CRADD: variants seen among roughly 807,000 people sequenced by gnomAD.
The protein encoded by CRADD is death domain-containing protein CRADD.
A neutral mutation model predicts 15.5 loss-of-function variants in CRADD; 9 were observed. The ratio of observed to expected loss-of-function variants is 0.58; its 90% confidence interval spans 0.35 to 1.01. The LOEUF (loss-of-function observed/expected upper bound fraction) is 1.01, where lower values mean the gene tolerates loss of function less well. Among genes scored for constraint, CRADD ranks in the 50% least tolerant of loss-of-function variants. CRADD has a pLI of 0.02. For missense variants in CRADD, 227 were observed against 250.3 expected (o/e 0.91, Z 0.63); for synonymous variants, 118 against 107.6 (o/e 1.10, Z -0.60).
At chr12:93,893,260 G>A (rs1413790346) in intron 2 of CRADD, among the ~76,000 whole-genome samples, 1 of 152,196 alleles carries the variant, frequency 6.6e-6, no homozygotes, top group Non-Finnish European at 1.5e-5. Context: ...CTATAGGGCT[G>A]TGGTGGTTCC....
At chr12:93,810,868 A>G (rs1042002678) in intron 2 of CRADD, among the ~76,000 whole-genome samples, 7 of 152,256 alleles carry the variant, frequency 4.6e-5, no homozygotes, top group Admixed American at 3.9e-4. Flanking sequence ...GATTTATGCC[A>G]GACTGAGAAT....
chr12:93,705,102 C>T lies in CRADD; in HGVS notation c.298+26030C>T, dbSNP rs192862162. Among the ~76,000 whole-genome samples the T allele has an allele frequency of 2.0e-3, 311 of 152,322 alleles. 4 individuals are homozygous for T. The highest frequency in any genetic ancestry group is 7.0e-3 in the African/African-American group (293 of 41,572). Reference sequence around the variant, plus strand: ...CTTGTTACTTGACAAGCGAATTTCCCTTCTCTAGACTGTAAGCTCTTTCAG... The same window carrying T: ...CTTGTTACTTGACAAGCGAATTTCCTTTCTCTAGACTGTAAGCTCTTTCAG... On this transcript the variant is annotated intron_variant, in intron 2 of 2. Transcript: ENST00000332896.
chr12:93,864,421 G>T (rs1368117282), intron 2 of CRADD, among the ~76,000 whole-genome samples: 2 of 152,184 alleles, frequency 1.3e-5, no homozygotes, highest in Non-Finnish European at 2.9e-5. Flanking sequence ...GAATGTCTGT[G>T]CAAGTACACC....
At chr12:93,865,614 A>G (rs1565943803) in intron 2 of CRADD, among the ~76,000 whole-genome samples, 2 of 151,948 alleles carry the variant, frequency 1.3e-5, no homozygotes, top group South Asian at 2.1e-4. Context: ...AGAGATGACT[A>G]TGTTGCCCAG....
At chr12:93,778,239 C>A (rs1463265726) in intron 2 of CRADD, among the ~76,000 whole-genome samples, 10 of 152,192 alleles carry the variant, frequency 6.6e-5, no homozygotes, top group Admixed American at 5.2e-4. Flanking sequence ...AAACAGGAAT[C>A]TCACCCACTT....
chr12:93,780,975 C>G (rs148406744), intron 2 of CRADD, among the ~76,000 whole-genome samples: 91 of 149,714 alleles, frequency 6.1e-4, no homozygotes, highest in Non-Finnish European at 1.1e-3. Context: ...AGGCTGGTCT[C>G]GAACTCCTGA....
intron 2 of CRADD, among the ~76,000 whole-genome samples, chr12:93,843,415 C>CTGTT (rs1249633770): frequency 7.4e-6 from 1 of 134,820 alleles, no homozygotes; most frequent in Non-Finnish European, 1.5e-5. Context: ...CAGTCTTGCT[C>CTGTT]TGTTGTCCAG....
chr12:93,850,770 T>G (rs1195670053), downstream of CRADD: 2 of 803,152 alleles, frequency 2.5e-6, no homozygotes, highest in South Asian at 1.1e-4. This position sits in a 1 kb window ranked among gnomAD's most constrained non-coding sequence, Gnocchi z 4.0. Context: ...CCGTGTTGGG[T>G]TTTTTTTTTT....
chr12:93,813,907 G>A (rs148986850), intron 2 of CRADD, among the ~76,000 whole-genome samples: 2 of 152,236 alleles, frequency 1.3e-5, no homozygotes, highest in African/African-American at 4.8e-5. Context: ...AGAGTCCAGG[G>A]CCAGCCAGAA....
intron 2 of CRADD, among the ~76,000 whole-genome samples, chr12:93,734,127 C>T (rs144089244): frequency 1.4e-3 from 209 of 151,960 alleles, no homozygotes; most frequent in African/African-American, 4.8e-3. Context: ...TCCAGCCATC[C>T]GTCTGTTCAT....
chr12:93,797,260 T>C (rs1019947049), intron 2 of CRADD, among the ~76,000 whole-genome samples: 1 of 152,038 alleles, frequency 6.6e-6, no homozygotes, highest in African/African-American at 2.4e-5. Flanking sequence ...GGTGGAAGAA[T>C]GGCAGGCATC....
Position 93,850,012 on chromosome 12 carries a change from C to G in CRADD, c.341C>G (p.Ser114Cys), listed in dbSNP as rs1171199850. 1.2e-6 allele frequency: 2 copies of G among 1,611,328 alleles called. No individual in the cohort carries two copies. The highest frequency in any genetic ancestry group is 2.7e-5 in the African/African-American group (2 of 74,846). The stretch of plus-strand genomic sequence containing the variant: ...ATCCCCTCGCACATCCTCAACAGCT[C>G]CCCATCAGACCGGCAGATTAACCAG... ...TGIPSHILNS[S>C]PSDRQINQLA... The change falls in exon 3 of 3, where the codon TCC becomes TGC. Residue 114 changes from serine (S) to cysteine (C), a missense_variant. Physicochemically the swap from Ser to Cys is moderately radical, Grantham distance 112 (BLOSUM62 -1). Coordinates refer to ENST00000332896, the MANE Select transcript of CRADD (RefSeq NM_003805.5). The surrounding 1 kb of genome is among the most constrained non-coding windows in gnomAD (Gnocchi z 4.0).
intron 2 of CRADD, among the ~76,000 whole-genome samples, chr12:93,776,937 A>T (rs1387255524): frequency 6.6e-6 from 1 of 152,218 alleles, no homozygotes; most frequent in African/African-American, 2.4e-5. Flanking sequence ...CATGATGGGA[A>T]TGTTCTAAAA....
At chr12:93,867,405 T>TATATATATATATATATATATATA (rs1207739624) in intron 2 of CRADD, among the ~76,000 whole-genome samples, 1,182 of 101,758 alleles carry the variant, frequency 0.012, 128 homozygotes, top group Middle Eastern at 0.04. Flanking sequence ...ATATATATAT[T>TATATATATATATATATATATATA]TTTTAAACTT....
rs78869808 is a variant in CRADD, at chr12:93,741,952, T to C, written c.298+62880T>C. Among the ~76,000 whole-genome samples, 247 of 152,292 alleles carry C rather than the reference T, an allele frequency of 1.6e-3. 5 individuals are homozygous for C. In the East Asian group the frequency reaches 0.031, roughly 19 times the overall value. ...ATTCTATGCTCCACCGCGTCTCCTC[T>C]ACACGCCATGATCTTTGTTATCTGA... On this transcript the variant is annotated intron_variant, in intron 2 of 2. Transcript: ENST00000332896.
intron 2 of CRADD, among the ~76,000 whole-genome samples, chr12:93,780,854 T>A (rs958712136): frequency 6.7e-6 from 1 of 149,786 alleles, no homozygotes; most frequent in African/African-American, 2.5e-5. Flanking sequence ...GATTCTCATA[T>A]CTCAGCCTCA....
At chr12:93,689,168 G>A (rs1955507493) in intron 2 of CRADD, among the ~76,000 whole-genome samples, 1 of 152,110 alleles carries the variant, frequency 6.6e-6, no homozygotes, top group African/African-American at 2.4e-5. Flanking sequence ...CCCTGATACT[G>A]GAATCCAGTC....
At chr12:93,851,756 A>G (rs1654332782), downstream of CRADD, among the ~76,000 whole-genome samples, 1 of 152,222 alleles carries the variant, frequency 6.6e-6, no homozygotes, top group Non-Finnish European at 1.5e-5. Flanking sequence ...CTTAATAATT[A>G]CGGAATCTGT....
chr12:93,680,518 C>T (rs964323509), intron 2 of CRADD, among the ~76,000 whole-genome samples: 4 of 152,146 alleles, frequency 2.6e-5, no homozygotes, highest in Non-Finnish European at 4.4e-5. Context: ...AGTCTGGGCT[C>T]GTTACAGTTA....
Sources: allele counts gnomAD v4.1 joint callset (sites outside exome capture counted in the v4.1 genomes callset), GRCh38; gene constraint gnomAD v4.1.1; non-coding constraint Gnocchi (gnomAD v3.1); transcripts MANE v1.5; gene names NCBI Gene and HGNC (gene_info 2026-07-23, HGNC 2026-07-21).